Variants in CNTNAP2 observed in about 807,000 individuals in gnomAD.
CNTNAP2 encodes the protein contactin associated protein 2, also known as contactin-associated protein-like 2.
Under a neutral mutation model 155.2 loss-of-function variants are expected in CNTNAP2, and 98 were observed. The observed-to-expected ratio is 0.63, with a 90% confidence interval of 0.54 to 0.75. The LOEUF (loss-of-function observed/expected upper bound fraction) is 0.75. CNTNAP2 is among the 30% of genes least tolerant of loss of function. CNTNAP2 has a pLI of 0.00. For missense variants in CNTNAP2, 1,727 were observed against 1,688.1 expected (o/e 1.02, Z -0.40); for synonymous variants, 651 against 631.2 (o/e 1.03, Z -0.47).
chr7:147,558,423 C>T (rs1251508447), intron 11 of CNTNAP2, among the ~76,000 whole-genome samples: 1 of 152,098 alleles, frequency 6.6e-6, no homozygotes, highest in Non-Finnish European at 1.5e-5. Context: ...TATGCTTCTC[C>T]AAATGCAGTC....
At position 147,504,742 on chromosome 7, in the gene CNTNAP2, AT is replaced by A. The variant is rs199778272; in HGVS notation, c.1777+18705del. On this transcript the variant is annotated intron_variant, in intron 11 of 23. Transcript: ENST00000361727. Reference sequence around the variant, plus strand: ...AAAGACCATATTTAAATTACATTAAATTTTGGAGTTATAATCACATTAATAT... The same window carrying A: ...AAAGACCATATTTAAATTACATTAAATTTGGAGTTATAATCACATTAATAT... Among the ~76,000 whole-genome samples, 292 of 151,072 alleles carry A rather than the reference AT, an allele frequency of 1.9e-3. 4 individuals are homozygous for A. Among genetic ancestry groups the A allele is most frequent in the African/African-American group, 6.8e-3 (281 of 41,268 alleles).
intron 13 of CNTNAP2, among the ~76,000 whole-genome samples, chr7:147,815,457 C>T (rs150416565): frequency 4.6e-5 from 7 of 152,224 alleles, no homozygotes; most frequent in African/African-American, 1.7e-4. Flanking sequence ...GCATGTGGGC[C>T]CCGACATCTC....
At chr7:146,725,958 T>C (rs1388030620) in intron 1 of CNTNAP2, among the ~76,000 whole-genome samples, 1 of 152,194 alleles carries the variant, frequency 6.6e-6, no homozygotes, top group Non-Finnish European at 1.5e-5. Context: ...AGCTCTTTAT[T>C]TCAATTCCCC....
intron 1 of CNTNAP2, among the ~76,000 whole-genome samples, chr7:146,721,889 A>ATATATATATATATATTTTTTTTTT: frequency 1.4e-5 from 1 of 69,708 alleles, no homozygotes; most frequent in Non-Finnish European, 2.4e-5. Context: ...ATATATATAT[A>ATATATATATATATATTTTTTTTTT]TTTTTTTTTT....
intron 2 of CNTNAP2, among the ~76,000 whole-genome samples, chr7:146,807,235 G>C (rs1460550165): frequency 6.6e-6 from 1 of 152,060 alleles, no homozygotes; most frequent in Non-Finnish European, 1.5e-5. Flanking sequence ...CATCAAATTA[G>C]AATCTTACAG....
chr7:146,296,029 T>A (rs901048878), intron 1 of CNTNAP2, among the ~76,000 whole-genome samples: 1 of 152,176 alleles, frequency 6.6e-6, no homozygotes. Context: ...TTTGACCTAC[T>A]TCCTTACAAC....
At chr7:146,227,029 A>G (rs1187467436) in intron 1 of CNTNAP2, among the ~76,000 whole-genome samples, 1 of 152,230 alleles carries the variant, frequency 6.6e-6, no homozygotes, top group Admixed American at 6.5e-5. Flanking sequence ...ACAACTATGT[A>G]TAAAATATGA....
chr7:148,064,222 T>C (rs1414549937), intron 15 of CNTNAP2, among the ~76,000 whole-genome samples: 2 of 152,168 alleles, frequency 1.3e-5, no homozygotes, highest in Admixed American at 6.5e-5. Flanking sequence ...GGCTCTTTTT[T>C]AGTTCTGTAT....
chr7:148,090,000 A>T (rs916241767), intron 15 of CNTNAP2, among the ~76,000 whole-genome samples: 1 of 152,014 alleles, frequency 6.6e-6, no homozygotes, highest in Admixed American at 6.6e-5. Context: ...GTTTTTGACA[A>T]AGGTGCCAAA....
chr7:146,899,715 G>A (rs958477696), intron 3 of CNTNAP2, among the ~76,000 whole-genome samples: 6 of 152,144 alleles, frequency 3.9e-5, no homozygotes, highest in African/African-American at 1.4e-4. Flanking sequence ...ATTTTTCTCT[G>A]CCTCAGAATT....
At chr7:147,083,947 G>C (rs953860262) in intron 4 of CNTNAP2, among the ~76,000 whole-genome samples, 4 of 91,334 alleles carry the variant, frequency 4.4e-5, no homozygotes, top group African/African-American at 6.8e-5. Flanking sequence ...ATATTATATA[G>C]CATTATATAT....
intron 1 of CNTNAP2, among the ~76,000 whole-genome samples, chr7:146,672,654 G>A (rs950474253): frequency 6.6e-6 from 1 of 152,048 alleles, no homozygotes; most frequent in East Asian, 1.9e-4. Context: ...ACACTCAAAT[G>A]GATTACAAGA....
intron 2 of CNTNAP2, among the ~76,000 whole-genome samples, chr7:146,821,117 C>G (rs374128160): frequency 6.6e-6 from 1 of 152,220 alleles, no homozygotes; most frequent in East Asian, 1.9e-4. Flanking sequence ...ACTCTTTATC[C>G]AATTTGCCAG....
chr7:148,329,707 C>G (rs773464607), intron 21 of CNTNAP2, among the ~76,000 whole-genome samples: 1 of 152,186 alleles, frequency 6.6e-6, no homozygotes, highest in Non-Finnish European at 1.5e-5. Flanking sequence ...CAGTGACAGT[C>G]AGTGCTGGGA....
chr7:146,612,326 A>G (rs1463308365), intron 1 of CNTNAP2, among the ~76,000 whole-genome samples: 1 of 152,188 alleles, frequency 6.6e-6, no homozygotes, highest in Non-Finnish European at 1.5e-5. Context: ...TTTACAGGTG[A>G]GAATGACAAG....
chr7:147,901,599 G>C (rs965365268), intron 13 of CNTNAP2, among the ~76,000 whole-genome samples: 1 of 151,958 alleles, frequency 6.6e-6, no homozygotes, highest in Non-Finnish European at 1.5e-5. Flanking sequence ...TTTACATTCT[G>C]CTCCATTTGC....
intron 3 of CNTNAP2, among the ~76,000 whole-genome samples, chr7:146,996,865 G>A (rs938089197): frequency 6.6e-6 from 1 of 152,010 alleles, no homozygotes; most frequent in Non-Finnish European, 1.5e-5. Context: ...GGGAGATAAC[G>A]GAATCATAGG....
chr7:146,894,583 T>C (rs754716454), intron 3 of CNTNAP2, among the ~76,000 whole-genome samples: 3 of 152,198 alleles, frequency 2.0e-5, no homozygotes, highest in Non-Finnish European at 2.9e-5. Flanking sequence ...TAATTCAATT[T>C]AAAGTGATAA....
chr7:147,516,579 A>T (rs920219181), intron 11 of CNTNAP2, among the ~76,000 whole-genome samples: 3 of 150,924 alleles, frequency 2.0e-5, no homozygotes, highest in African/African-American at 7.3e-5. Flanking sequence ...TTTTCCCATT[A>T]GCTTACTAAT....
Sources: gnomAD v4.1 joint callset for allele counts (sites outside exome capture counted in the v4.1 genomes callset) on GRCh38, gnomAD v4.1.1 for gene constraint, MANE v1.5 for transcripts, NCBI Gene and HGNC (gene_info 2026-07-23, HGNC 2026-07-21) for gene names.